LAMA5: variants seen among roughly 807,000 people sequenced by gnomAD.
LAMA5 encodes laminin subunit alpha 5.
Under a neutral mutation model 433.4 loss-of-function variants are expected in LAMA5, and 260 were observed. The observed-to-expected ratio is 0.60, with a 90% CI of 0.54 to 0.66. LAMA5 has a LOEUF of 0.66. Ranked by LOEUF, LAMA5 falls within the 30% of genes least tolerant of loss-of-function variation. The pLI, the probability that LAMA5 is intolerant of heterozygous loss-of-function variation, is 0.00. For missense variants in LAMA5, 5,378 were observed against 5,258.5 expected (o/e 1.02, Z -0.70); for synonymous variants, 2,620 against 2,226.6 (o/e 1.18, Z -4.97).
In LAMA5 at chr20:62,333,969, C is replaced by A; in HGVS notation, c.2810G>T (p.Arg937Leu). 1 of 1,612,810 alleles carries A rather than the reference C, an allele frequency of 6.2e-7. No individual in the cohort carries two copies. Residue 937 changes from arginine (R) to leucine (L), a missense_variant, in exon 23 of 80, where the codon CGG (arginine) becomes CTG (leucine). Physicochemically the swap from Arg to Leu is moderately radical, Grantham distance 102 (BLOSUM62 -2). Coordinates refer to ENST00000252999, the MANE Select transcript of LAMA5 (RefSeq NM_005560.6). ...CCGCCCGCTCACACTCATGGCCCCC[C>A]GGTTGACGTATCGGAAGACGAGCCA... ...LFWLVFRYVN[R>L]GAMSVSGRVS...
At chr20:62,343,333 A>C (rs985172159) in intron 11 of LAMA5, among the ~76,000 whole-genome samples, 1 of 152,178 alleles carries the variant, frequency 6.6e-6, no homozygotes, top group Non-Finnish European at 1.5e-5. Flanking sequence ...GTAAGGGAGG[A>C]GCATCTACAT....
In LAMA5 at chr20:62,334,318, C is replaced by T. The variant is rs752471451; in HGVS notation, c.2607G>A (p.Pro869=). The stretch of plus-strand genomic sequence containing the variant: ...GCTCCAGGCGCAGGTGGTGCAGGTC[C>T]GGGAGGTAGTGGTCCCTCGCAGGCC... ...CSEPARDHYL[P]DLHHLRLELE... Residue 869 remains proline (P), a synonymous_variant, in exon 22 of 80, where the codon CCG becomes CCA. Transcript: ENST00000252999. 1.1e-5 allele frequency: 18 copies of T among 1,608,214 alleles called. No homozygotes were observed. Among genetic ancestry groups the T allele is most frequent in the Non-Finnish European group, 1.4e-5 (16 of 1,177,962 alleles).
intron 6 of LAMA5, chr20:62,351,390 T>C (rs1984264074): frequency 4.0e-6 from 2 of 505,926 alleles, no homozygotes; most frequent in South Asian, 5.4e-5. Context: ...GGGCCCCAGG[T>C]GTCCACTATG....
chr20:62,341,986 A>C (rs1307710415), intron 11 of LAMA5, among the ~76,000 whole-genome samples: 1 of 152,256 alleles, frequency 6.6e-6, no homozygotes, highest in East Asian at 1.9e-4. Flanking sequence ...GCTAATACAA[A>C]TAATCAAACC....
chr20:62,343,076 A>C (rs908096552), intron 11 of LAMA5, among the ~76,000 whole-genome samples: 15 of 152,204 alleles, frequency 9.9e-5, no homozygotes, highest in African/African-American at 3.6e-4. Context: ...TTTTGTAAAT[A>C]AAGTTTTATT....
intron 53 of LAMA5, among the ~76,000 whole-genome samples, chr20:62,318,189 G>C (rs116195465): frequency 8.6e-5 from 1 of 11,594 alleles, no homozygotes; most frequent in African/African-American, 7.7e-4. Context: ...GGAGGGAGAG[G>C]ACAGGAGAAG....
intron 71 of LAMA5, 29 bp downstream of exon 71, chr20:62,311,585 C>T: frequency 6.2e-7 from 1 of 1,608,816 alleles, no homozygotes. Flanking sequence ...CCAGCTGGGA[C>T]CTTGTCCCCC....
chr20:62,357,338 C>A (rs536942752), intron 2 of LAMA5, among the ~76,000 whole-genome samples: 48 of 152,316 alleles, frequency 3.2e-4, no homozygotes, highest in Non-Finnish European at 5.3e-4. Flanking sequence ...TAGCCCCAGG[C>A]GTCCGGGCCA....
chr20:62,339,231 C>CTTTTTTTTTTTTTTTT (rs151158845), intron 11 of LAMA5, among the ~76,000 whole-genome samples: 1 of 55,960 alleles, frequency 1.8e-5, no homozygotes. Flanking sequence ...ATTATAGTTT[C>CTTTTTTTTTTTTTTTT]TTTTTTTTTT....
At chr20:62,316,086 G>A (rs755074574) in intron 57 of LAMA5, 28 bp from the exon 58 acceptor site, 3 of 1,525,992 alleles carry the variant, frequency 2.0e-6, no homozygotes, top group Non-Finnish European at 2.7e-6. Flanking sequence ...TCAGCTCCCA[G>A]GCAGCTTCAC....
chr20:62,319,001 T>C lies in LAMA5; in HGVS notation c.6884A>G (p.Gln2295Arg), dbSNP rs1021439018. 1.9e-6 allele frequency: 3 copies of C among 1,585,090 alleles called. No homozygotes were observed. Among genetic ancestry groups the C allele is most frequent in the African/African-American group, 2.7e-5 (2 of 74,508 alleles). The stretch of plus-strand genomic sequence containing the variant: ...ATTGGCCAGCCCCAGGTGGCCCGTC[T>C]GGGACATGAGCTCTGTGGGGCAGGG... ...VDRTLSELMS[Q>R]TGHLGLANAS... The change falls in exon 52 of 80, where the codon CAG becomes CGG. Residue 2295 changes from glutamine (Q) to arginine (R), a missense_variant. Coordinates refer to ENST00000252999, the MANE Select transcript of LAMA5 (RefSeq NM_005560.6).
chr20:62,316,819 C>A, intron 56 of LAMA5, 46 bp from the exon 57 acceptor site: 1 of 1,558,530 alleles, frequency 6.4e-7, no homozygotes, highest in South Asian at 1.2e-5. Context: ...CAGGCCGGGG[C>A]TGCGGGAGGT....
chr20:62,333,852 G>GTGGGA, intron 23 of LAMA5, 49 bp downstream of exon 23: 1 of 1,433,826 alleles, frequency 7.0e-7, no homozygotes, highest in South Asian at 1.3e-5. Flanking sequence ...GTGGGGTGGG[G>GTGGGA]TGGGCTGGGC....
intron 2 of LAMA5, among the ~76,000 whole-genome samples, chr20:62,361,760 C>G (rs1181098725): frequency 6.6e-6 from 1 of 152,232 alleles, no homozygotes; most frequent in Non-Finnish European, 1.5e-5. Context: ...GGCTGGGTAC[C>G]CGGGCCAAGT....
chr20:62,320,409 C>A (rs372709765), intron 50 of LAMA5, 150 bp downstream of exon 50: 1 of 531,132 alleles, frequency 1.9e-6, no homozygotes, highest in Admixed American at 3.2e-5. Flanking sequence ...AATTCAGTGA[C>A]TTGGTCAACC....
chr20:62,323,154 G>A (rs55758310), intron 45 of LAMA5, among the ~76,000 whole-genome samples: 30,471 of 141,468 alleles, frequency 0.22, 3,478 homozygotes, highest in African/African-American at 0.23. Context: ...AGGGGAGGGG[G>A]GATGTGATCC....
At chr20:62,360,634 A>ATGGG (rs199598588) in intron 2 of LAMA5, among the ~76,000 whole-genome samples, 9 of 5,312 alleles carry the variant, frequency 1.7e-3, no homozygotes, top group South Asian at 5.6e-3. Context: ...GGAGGGATAG[A>ATGGG]TGGGTGGGTG....
At chr20:62,318,815 C>A (rs200712238) in intron 52 of LAMA5, 28 bp downstream of exon 52, 3 of 1,607,088 alleles carry the variant, frequency 1.9e-6, no homozygotes, top group African/African-American at 1.3e-5. Context: ...CTCTCCCCAC[C>A]CCGCCTGCCA....
rs200678763 is a variant in LAMA5 at position 62,322,397 on chromosome 20, C to T, written c.6218G>A (p.Gly2073Glu). 4.2e-4 allele frequency: 663 copies of T among 1,594,284 alleles called. No homozygotes were observed. Among genetic ancestry groups the T allele is most frequent in the Non-Finnish European group, 5.3e-4 (622 of 1,171,616 alleles). The part of the protein sequence containing the change: ...GCGGCRPCAC[G>E]PAAEGSECHP... ...GCACTCGGAGCCCTCGGCGGCCGGTCCACAAGCACACGGGCGGCAGCCCCC... is the reference window on the plus strand; with the variant it reads ...GCACTCGGAGCCCTCGGCGGCCGGTTCACAAGCACACGGGCGGCAGCCCCC... The change falls in exon 47 of 80, where the codon GGA becomes GAA. Residue 2073 changes from glycine (G) to glutamate (E), a missense_variant. By Grantham distance (98) the Gly-to-Glu change is moderately conservative. Transcript: ENST00000252999.
Sources: allele counts gnomAD v4.1 joint callset (sites outside exome capture counted in the v4.1 genomes callset), GRCh38; gene constraint gnomAD v4.1.1; transcripts MANE v1.5; gene names NCBI Gene and HGNC (gene_info 2026-07-23, HGNC 2026-07-21).